THSD7B: variants seen among roughly 807,000 people sequenced by gnomAD.
THSD7B encodes the protein thrombospondin type-1 domain-containing protein 7B.
Under a neutral mutation model 213.6 loss-of-function variants are expected in THSD7B, and 138 were observed. The ratio of observed to expected loss-of-function variants is 0.65; its 90% CI spans 0.56 to 0.74. THSD7B has a LOEUF of 0.74. Among genes scored for constraint, THSD7B ranks in the 30% least tolerant of loss-of-function variants. The pLI is 0.00. For synonymous variants in THSD7B, 742 were observed against 687.0 expected, an observed-to-expected ratio of 1.08 and a Z score of -1.25; for missense variants, 1,931 against 1,991.5, an observed-to-expected ratio of 0.97 and a Z score of 0.58.
At chr2:137,280,693 AT>A (rs1682985952) in intron 12 of THSD7B, among the ~76,000 whole-genome samples, 2 of 152,080 alleles carry the variant, frequency 1.3e-5, no homozygotes, top group Admixed American at 6.6e-5. Flanking sequence ...CTTGTGCTTT[AT>A]CAGAATAATT....
At chr2:137,164,617 C>T (rs1447278954) in intron 6 of THSD7B, among the ~76,000 whole-genome samples, 1 of 152,192 alleles carries the variant, frequency 6.6e-6, no homozygotes, top group African/African-American at 2.4e-5. Flanking sequence ...ATAGCAAATA[C>T]TTGGAACCAA....
intron 10 of THSD7B, among the ~76,000 whole-genome samples, chr2:137,267,672 A>G (rs1300035397): frequency 6.6e-6 from 1 of 152,112 alleles, no homozygotes; most frequent in Non-Finnish European, 1.5e-5. Flanking sequence ...TTATCTGTAA[A>G]ATGGGAATAA....
chr2:137,615,363 G>T (rs993949911), intron 17 of THSD7B, among the ~76,000 whole-genome samples: 4 of 152,192 alleles, frequency 2.6e-5, no homozygotes, highest in Non-Finnish European at 5.9e-5. Context: ...CAGGAGTGAG[G>T]CTTGATTAGT....
At chr2:137,066,676 T>A (rs1170073077) in intron 3 of THSD7B, among the ~76,000 whole-genome samples, 1 of 152,148 alleles carries the variant, frequency 6.6e-6, no homozygotes, top group Non-Finnish European at 1.5e-5. Flanking sequence ...GACGTGGATA[T>A]TTTTGGTATT....
rs70975798 is a variant in THSD7B, at chr2:137,080,367, GTTTT to G, written c.951-14484_951-14481del. Reference sequence around the variant, plus strand: ...TAGGCATGTACCACCATGCCCAGCTGTTTTTTTTTTTTTTTTTTTTTTTTTAAAT... The same window carrying G: ...TAGGCATGTACCACCATGCCCAGCTGTTTTTTTTTTTTTTTTTTTTTAAAT... On this transcript the variant is annotated intron_variant, in intron 3 of 27. Transcript: ENST00000409968. Among the ~76,000 whole-genome samples, 487 of 98,378 alleles carry G rather than the reference GTTTT, an allele frequency of 5.0e-3. 1 individual carries two copies. The highest frequency in any genetic ancestry group is 0.018 in the African/African-American group (435 of 24,064). The allele number at this position is 98,378 out of a possible 152,430, so 64.5% of individuals were successfully genotyped here. A position where few individuals can be genotyped will look rare whatever the true frequency, so the allele number is the denominator to read the frequency against.
chr2:136,876,303 T>C (rs1683525360), intron 1 of THSD7B, among the ~76,000 whole-genome samples: 1 of 152,216 alleles, frequency 6.6e-6, no homozygotes, highest in African/African-American at 2.4e-5. Flanking sequence ...ATTTTTAAAC[T>C]AATTTGCTTT....
intron 1 of THSD7B, among the ~76,000 whole-genome samples, chr2:136,828,029 A>G (rs1682686995): frequency 6.6e-6 from 1 of 152,076 alleles, no homozygotes; most frequent in Admixed American, 6.5e-5. Flanking sequence ...TGTGTTGATA[A>G]CATAGGAGCC....
chr2:137,051,154 T>C (rs1040107003), intron 2 of THSD7B, among the ~76,000 whole-genome samples: 1 of 152,226 alleles, frequency 6.6e-6, no homozygotes, highest in Non-Finnish European at 1.5e-5. Context: ...TAATACTGTG[T>C]ATAAAGTAAG....
intron 12 of THSD7B, among the ~76,000 whole-genome samples, chr2:137,313,603 G>T (rs868287362): frequency 6.6e-6 from 1 of 150,492 alleles, no homozygotes; most frequent in Non-Finnish European, 1.5e-5. Flanking sequence ...TCCTAGTCTC[G>T]ATGGTCTTTA....
At chr2:137,589,108 A>C (rs187852142) in intron 17 of THSD7B, among the ~76,000 whole-genome samples, 1 of 152,166 alleles carries the variant, frequency 6.6e-6, no homozygotes, top group African/African-American at 2.4e-5. Flanking sequence ...ATCAAATAAC[A>C]TAAGTGTATG....
chr2:136,791,590 C>T (rs746351354), intron 1 of THSD7B, among the ~76,000 whole-genome samples: 73 of 151,592 alleles, frequency 4.8e-4, no homozygotes, highest in Non-Finnish European at 6.3e-4. Context: ...CTTTCTGTTC[C>T]TATAGATCCT....
intron 10 of THSD7B, among the ~76,000 whole-genome samples, chr2:137,261,879 A>T (rs961797440): frequency 6.6e-6 from 1 of 151,380 alleles, no homozygotes; most frequent in African/African-American, 2.4e-5. Flanking sequence ...GTTTCCATAT[A>T]GACCCATCAT....
rs545900671 is a variant in THSD7B at position 137,238,884 on chromosome 2, T to C, written c.2151-3573T>C. Among the ~76,000 whole-genome samples the C allele has an allele frequency of 5.8e-4, 89 of 152,288 alleles. 1 individual carries two copies. The highest frequency in any genetic ancestry group is 3.4e-3 in the Middle Eastern group (1 of 294). On this transcript the variant is annotated intron_variant, in intron 9 of 27. Transcript: ENST00000409968. ...CTCATCTTTCTTTCTCTTGTTATGCTCATTGAATCAATCTATTTTATAGAT... is the reference window on the plus strand; with the variant it reads ...CTCATCTTTCTTTCTCTTGTTATGCCCATTGAATCAATCTATTTTATAGAT...
At position 136,782,888 on chromosome 2, in the gene THSD7B, T is replaced by A. The variant is rs542474740; in HGVS notation, c.-36+17201T>A. Among the ~76,000 whole-genome samples, 32 of 152,254 alleles carry A rather than the reference T, an allele frequency of 2.1e-4. 1 individual carries two copies. In the South Asian group the frequency reaches 6.6e-3, roughly 32 times the overall value. Reference sequence around the variant, plus strand: ...TTGTACATGATAAAAACATGCAATATTATCTGTTAATTAAAAAAAAGAAAA... The same window carrying A: ...TTGTACATGATAAAAACATGCAATAATATCTGTTAATTAAAAAAAAGAAAA... On this transcript the variant is annotated intron_variant, in intron 1 of 27. Transcript: ENST00000409968.
rs960641584 is a variant in THSD7B, at chr2:137,164,473, G to A, written c.1525+4105G>A. 7.9e-5 allele frequency among the ~76,000 whole-genome samples: 12 copies of A among 152,150 alleles called. 1 individual carries two copies. Among genetic ancestry groups the A allele is most frequent in the Non-Finnish European group, 1.5e-4 (10 of 68,034 alleles). On this transcript the variant is annotated intron_variant, in intron 6 of 27. Transcript: ENST00000409968. ...CAACCATTGTGGAAGACACTGTGGC[G>A]ATTCCTCAAGGATCTGGAGCTAGAA...
intron 12 of THSD7B, among the ~76,000 whole-genome samples, chr2:137,363,704 T>C (rs1408420973): frequency 6.6e-6 from 1 of 152,170 alleles, no homozygotes; most frequent in Non-Finnish European, 1.5e-5. Flanking sequence ...GTTGAATCAG[T>C]GAATAGACCA....
intron 20 of THSD7B, among the ~76,000 whole-genome samples, chr2:137,640,605 G>C (rs1246176087): frequency 2.6e-5 from 4 of 152,084 alleles, no homozygotes; most frequent in African/African-American, 4.8e-5. Flanking sequence ...CCAAACAAGG[G>C]ACTTAAATTC....
chr2:136,811,707 T>C (rs904889388), intron 1 of THSD7B, among the ~76,000 whole-genome samples: 5 of 152,302 alleles, frequency 3.3e-5, no homozygotes, highest in Non-Finnish European at 7.4e-5. Flanking sequence ...GTGTTTAAAA[T>C]CTTTTTGAAT....
intron 25 of THSD7B, 26 bp downstream of exon 25, chr2:137,659,772 T>C: frequency 6.4e-7 from 1 of 1,570,196 alleles, no homozygotes; most frequent in African/African-American, 1.4e-5. Flanking sequence ...GAGTCTTCTA[T>C]AAGTGCATTA....
Sources: gnomAD v4.1 joint callset for allele counts (sites outside exome capture counted in the v4.1 genomes callset) on GRCh38, gnomAD v4.1.1 for gene constraint, MANE v1.5 for transcripts, NCBI Gene and HGNC (gene_info 2026-07-23, HGNC 2026-07-21) for gene names.